Variants in CPAP observed in about 807,000 individuals in gnomAD.
CPAP encodes centrosomal P4.1-associated protein.
At chr13:24,921,407 G>A in the CPAP span, among the ~76,000 whole-genome samples, 1 of 152,126 alleles carries the variant, frequency 6.6e-6, no homozygotes, top group Non-Finnish European at 1.5e-5. Flanking sequence ...GCCTGGAACC[G>A]CCATTCTTTC....
chr13:24,884,991 G>A, the CPAP span, among the ~76,000 whole-genome samples: 736 of 152,316 alleles, frequency 4.8e-3, 4 homozygotes, highest in Non-Finnish European at 7.6e-3. Context: ...AGCTGGAGAT[G>A]AGGAGAGAGG....
chr13:24,916,610 A>G, the CPAP span, among the ~76,000 whole-genome samples: 1 of 152,348 alleles, frequency 6.6e-6, no homozygotes, highest in South Asian at 2.1e-4. Context: ...CAACTTGAAG[A>G]AACTCTTTTG....
At chr13:24,911,864 C>T in the CPAP span, 1 of 1,539,026 alleles carries the variant, frequency 6.5e-7, no homozygotes, top group South Asian at 1.1e-5. Flanking sequence ...ACACATGATA[C>T]AGGAACGATA....
At chr13:24,919,305 T>C in the CPAP span, among the ~76,000 whole-genome samples, 1 of 152,250 alleles carries the variant, frequency 6.6e-6, no homozygotes, top group Non-Finnish European at 1.5e-5. Context: ...AGTAATGCAA[T>C]GAGAGACTGA....
chr13:24,909,885 T>C, the CPAP span: 5 of 1,614,050 alleles, frequency 3.1e-6, no homozygotes, highest in Non-Finnish European at 4.2e-6. Flanking sequence ...AGACGCACGT[T>C]TTGAAGTTAA....
the CPAP span, chr13:24,892,942 C>G: frequency 1.9e-6 from 2 of 1,064,790 alleles, no homozygotes; most frequent in East Asian, 4.8e-5. Context: ...GAATAGAGAC[C>G]CAGCAATGAA....
the CPAP span, chr13:24,906,144 TAATGGGATCTGCCGG>T: frequency 6.2e-7 from 1 of 1,613,730 alleles, no homozygotes; most frequent in Non-Finnish European, 8.5e-7. Context: ...TTACAATGAC[TAATGGGATCTGCCGG>T]ATTTGTCTTC....
chr13:24,891,635 C>CA, the CPAP span, among the ~76,000 whole-genome samples: 1 of 152,168 alleles, frequency 6.6e-6, no homozygotes, highest in Non-Finnish European at 1.5e-5. Flanking sequence ...CCCAGTCCCC[C>CA]CAAGCCCTAC....
At chr13:24,906,254 G>T in the CPAP span, 1 of 1,603,736 alleles carries the variant, frequency 6.2e-7, no homozygotes, top group Non-Finnish European at 8.5e-7. Flanking sequence ...CAGTACAAAT[G>T]AGGAATTACT....
the CPAP span, among the ~76,000 whole-genome samples, chr13:24,923,300 G>A: frequency 2.7e-5 from 4 of 149,990 alleles, no homozygotes; most frequent in Non-Finnish European, 5.9e-5. Flanking sequence ...GGTTTGGTTT[G>A]GTTTTTTTCT....
the CPAP span, among the ~76,000 whole-genome samples, chr13:24,930,346 A>C: frequency 5.3e-5 from 8 of 152,026 alleles, no homozygotes; most frequent in Non-Finnish European, 1.0e-4. Context: ...CAGAGGGTAC[A>C]TGTGCAGGTT....
chr13:24,918,830 G>C, the CPAP span, among the ~76,000 whole-genome samples: 1 of 152,132 alleles, frequency 6.6e-6, no homozygotes, highest in Non-Finnish European at 1.5e-5. Flanking sequence ...TGGTTTTGCT[G>C]TCTCGAGGGT....
At chr13:24,917,077 C>T in the CPAP span, among the ~76,000 whole-genome samples, 3 of 152,084 alleles carry the variant, frequency 2.0e-5, no homozygotes, top group African/African-American at 4.8e-5. Context: ...AGTGAAACCC[C>T]GTCTCTACTA....
the CPAP span, among the ~76,000 whole-genome samples, chr13:24,930,108 C>T: frequency 4.0e-5 from 6 of 151,676 alleles, no homozygotes; most frequent in South Asian, 2.1e-4. Flanking sequence ...GATGGGGTCT[C>T]GCTATGTTGC....
At chr13:24,897,173 C>T in the CPAP span, among the ~76,000 whole-genome samples, 1 of 152,218 alleles carries the variant, frequency 6.6e-6, no homozygotes, top group South Asian at 2.1e-4. Context: ...ATCTGGGAGA[C>T]GGAGGTTGCA....
At chr13:24,926,082 A>G in the CPAP span, among the ~76,000 whole-genome samples, 1 of 152,174 alleles carries the variant, frequency 6.6e-6, no homozygotes, top group Non-Finnish European at 1.5e-5. Flanking sequence ...CGTTTCATCC[A>G]TCGTCCAGCC....
At chr13:24,917,808 A>G in the CPAP span, among the ~76,000 whole-genome samples, 1 of 152,228 alleles carries the variant, frequency 6.6e-6, no homozygotes, top group African/African-American at 2.4e-5. Flanking sequence ...GGCATTGGCA[A>G]CTGGCAAGTG....
At chr13:24,924,088 C>A in the CPAP span, among the ~76,000 whole-genome samples, 1 of 152,178 alleles carries the variant, frequency 6.6e-6, no homozygotes, top group Non-Finnish European at 1.5e-5. Flanking sequence ...CCGCCTCGGC[C>A]TCCCAAAGTG....
At chr13:24,906,754 A>G in the CPAP span, 1 of 1,614,064 alleles carries the variant, frequency 6.2e-7, no homozygotes, top group Non-Finnish European at 8.5e-7. Context: ...ACAGCTCTTT[A>G]TTTTTAAGAG....
Sources: gnomAD v4.1 joint callset for allele counts (sites outside exome capture counted in the v4.1 genomes callset) on GRCh38, gnomAD v4.1.1 for gene constraint, MANE v1.5 for transcripts, NCBI Gene and HGNC (gene_info 2026-07-23, HGNC 2026-07-21) for gene names.